MGAT5: variants seen among roughly 807,000 people sequenced by gnomAD.
MGAT5 encodes the protein alpha-1,6-mannosylglycoprotein 6-beta-N-acetylglucosaminyltransferase.
A neutral mutation model predicts 94.3 loss-of-function variants in MGAT5; 30 were observed. The ratio of observed to expected loss-of-function variants is 0.32; its 90% CI spans 0.24 to 0.43. The LOEUF is 0.43. Among genes scored for constraint, MGAT5 ranks in the 20% least tolerant of loss-of-function variants. The pLI, the probability that MGAT5 is intolerant of heterozygous loss-of-function variation, is 1.00. For synonymous variants in MGAT5, 310 were observed against 322.9 expected (o/e 0.96, Z 0.43); for missense variants, 691 against 905.5 (o/e 0.76, Z 3.04).
intron 1 of MGAT5, among the ~76,000 whole-genome samples, chr2:134,130,273 C>T (rs1325986645): frequency 6.9e-6 from 1 of 145,084 alleles, no homozygotes; most frequent in Non-Finnish European, 1.5e-5. Flanking sequence ...CACCGCCCCA[C>T]ACCCTGGCGG....
chr2:134,406,052 T>G (rs887312840), intron 11 of MGAT5, among the ~76,000 whole-genome samples: 1 of 152,186 alleles, frequency 6.6e-6, no homozygotes, highest in Non-Finnish European at 1.5e-5. Flanking sequence ...ACCCCAGGAG[T>G]GCAGTTTAAG....
rs1440935141 is a variant in MGAT5, at chr2:134,171,873, A to G, written c.-143+51582A>G. 2.0e-5 allele frequency among the ~76,000 whole-genome samples: 3 copies of G among 152,146 alleles called. No homozygotes were observed. The East Asian group carries it at 5.8e-4, about 29-fold the overall frequency. ...CTCTTGTCGGGGAGAGGGCCAAGTT[A>G]TGTAGAGTAGTCCCATGTTATGCTT... On this transcript the variant is annotated intron_variant, in intron 1 of 16. Transcript: ENST00000409645.
chr2:134,339,279 A>G (rs1688499824), intron 6 of MGAT5, among the ~76,000 whole-genome samples: 1 of 152,140 alleles, frequency 6.6e-6, no homozygotes, highest in Non-Finnish European at 1.5e-5. Flanking sequence ...AAAAAGAAAT[A>G]AAGAATTTTT....
chr2:134,264,762 A>G (rs981220129), intron 1 of MGAT5, among the ~76,000 whole-genome samples: 1 of 152,150 alleles, frequency 6.6e-6, no homozygotes, highest in South Asian at 2.1e-4. Flanking sequence ...TTTCAATAGC[A>G]CCTTCCTTTC....
chr2:134,248,347 C>T lies in MGAT5; in HGVS notation c.-142-5915C>T, dbSNP rs142399685. Among the ~76,000 whole-genome samples the T allele has an allele frequency of 2.2e-3, 336 of 152,276 alleles. 4 individuals carry two copies. Among genetic ancestry groups the T allele is most frequent in the African/African-American group, 7.0e-3 (292 of 41,548 alleles). On this transcript the variant is annotated intron_variant, in intron 1 of 16. Coordinates refer to the MGAT5 transcript ENST00000409645. ...TTGGGGGCCTCACAGACCCCATAGG[C>T]GAGATGAAACGGGATTGTCCTATAG...
At chr2:134,126,980 T>C (rs1039322623) in intron 1 of MGAT5, 2 of 153,016 alleles carry the variant, frequency 1.3e-5, no homozygotes, top group Non-Finnish European at 2.9e-5. Flanking sequence ...CGATTCTTTC[T>C]TGGATGCAAA....
intron 11 of MGAT5, among the ~76,000 whole-genome samples, chr2:134,410,569 G>A (rs1558866320): frequency 6.6e-6 from 1 of 152,212 alleles, no homozygotes; most frequent in Non-Finnish European, 1.5e-5. Context: ...CAGGGCAGAA[G>A]AGATGGTTCA....
intron 1 of MGAT5, among the ~76,000 whole-genome samples, chr2:134,206,376 T>C (rs1397485262): frequency 1.3e-5 from 2 of 152,240 alleles, no homozygotes; most frequent in Non-Finnish European, 2.9e-5. Context: ...AGGGGTGAGC[T>C]AGCTCTGTCC....
intron 1 of MGAT5, among the ~76,000 whole-genome samples, chr2:134,154,359 C>T (rs1208741418): frequency 1.3e-5 from 2 of 152,206 alleles, no homozygotes; most frequent in Non-Finnish European, 2.9e-5. Context: ...AATGGCCCTG[C>T]TCCCACCCAC....
chr2:134,355,361 T>C (rs1679669381), intron 9 of MGAT5, among the ~76,000 whole-genome samples: 1 of 152,126 alleles, frequency 6.6e-6, no homozygotes, highest in Non-Finnish European at 1.5e-5. Flanking sequence ...CCTTCAAGAC[T>C]CTACTCAGAT....
rs373806829 is a variant in MGAT5 at position 134,422,848 on chromosome 2, C to T, written c.1723C>T (p.His575Tyr). ...CGCTGAAGTTTTCATCGGGCGGCCA[C>T]ATGTGTGGACTGTTGACCTCAACAA... ...PYAEVFIGRP[H>Y]VWTVDLNNQE... Residue 575 changes from histidine to tyrosine, a missense_variant, in exon 13 of 16, where the codon CAT becomes TAT. By Grantham distance (83) the His-to-Tyr change is moderately conservative (BLOSUM62 2). This residue lies in a region of MGAT5 where 260 missense variants were observed against 347.0 expected (regional missense o/e 0.75). Transcript: ENST00000281923. 3.2e-4 allele frequency: 521 copies of T among 1,613,856 alleles called. No individual in the cohort carries two copies. Among genetic ancestry groups the T allele is most frequent in the Non-Finnish European group, 4.1e-4 (486 of 1,179,872 alleles).
rs557653737 is a variant in MGAT5 at position 134,412,784 on chromosome 2, T to G, written c.1531-85T>G. The G allele has an allele frequency of 1.0e-4, 159 of 1,544,952 alleles. No homozygotes were observed. In the East Asian group the frequency reaches 2.1e-3, roughly 21 times the overall value. On this transcript the variant is annotated intron_variant, in intron 11 of 15. Transcript: ENST00000281923. ...GTCCACACGGGAATGGGCCACAGAA[T>G]CGCCGCCTGCAAGCTAGGAATGCCC...
intron 6 of MGAT5, among the ~76,000 whole-genome samples, chr2:134,339,141 C>T (rs1308821327): frequency 2.6e-5 from 4 of 152,126 alleles, no homozygotes; most frequent in Non-Finnish European, 2.9e-5. Context: ...TTTACAGGAT[C>T]CCAAGTCACA....
intron 2 of MGAT5, among the ~76,000 whole-genome samples, chr2:134,297,196 C>CAAAAAAAAAA (rs143685303): frequency 1.0e-5 from 1 of 100,478 alleles, no homozygotes; most frequent in Non-Finnish European, 2.0e-5. Context: ...GACCTGGTCT[C>CAAAAAAAAAA]AAAAAAAAAA....
intron 10 of MGAT5, among the ~76,000 whole-genome samples, chr2:134,379,752 C>T (rs1443981501): frequency 6.6e-6 from 1 of 152,320 alleles, no homozygotes; most frequent in South Asian, 2.1e-4. Flanking sequence ...AAAATGTGAA[C>T]GTTTGGATGG....
At chr2:134,349,994 A>G in intron 9 of MGAT5, 56 bp downstream of exon 9, 8 of 1,594,972 alleles carry the variant, frequency 5.0e-6, no homozygotes, top group African/African-American at 1.3e-5. Context: ...ATAGATGGGA[A>G]AATTAGCCGC....
chr2:134,322,331 G>C (rs1018035425), intron 4 of MGAT5, among the ~76,000 whole-genome samples: 34 of 152,054 alleles, frequency 2.2e-4, no homozygotes, highest in African/African-American at 8.2e-4. Flanking sequence ...TTGACTTCTG[G>C]TAATATAGAA....
At chr2:134,216,461 C>T (rs1680503364) in intron 1 of MGAT5, among the ~76,000 whole-genome samples, 1 of 152,170 alleles carries the variant, frequency 6.6e-6, no homozygotes, top group Non-Finnish European at 1.5e-5. Context: ...AAAGCACAGC[C>T]ATTGTGTTTC....
chr2:134,362,433 C>A, intron 10 of MGAT5, 25 bp downstream of exon 10: 1 of 1,603,826 alleles, frequency 6.2e-7, no homozygotes, highest in South Asian at 1.1e-5. Context: ...GCGTGTCTCT[C>A]TCTCTGAAAA....
Sources: gnomAD v4.1 joint callset for allele counts (sites outside exome capture counted in the v4.1 genomes callset) on GRCh38, gnomAD v4.1.1 for gene constraint, gnomAD v4.1.1 regional missense constraint, MANE v1.5 for transcripts, NCBI Gene and HGNC (gene_info 2026-07-23, HGNC 2026-07-21) for gene names.